The following NLGN4Y variants were observed in gnomAD, a reference collection of about 807,000 sequenced individuals.
NLGN4Y encodes neuroligin 4 Y-linked, also known as neuroligin-4, Y-linked.
A neutral mutation model predicts 8.4 loss-of-function variants in NLGN4Y; 4 were observed. That is an observed-to-expected ratio of 0.48 (90% CI 0.23 to 1.09). The LOEUF is 1.09. Ranked by LOEUF, NLGN4Y falls within the 50% of genes least tolerant of loss-of-function variation. The pLI is 0.19. For synonymous variants in NLGN4Y, 35 were observed against 75.6 expected (o/e 0.46, Z 2.78); for missense variants, 90 against 192.3 (o/e 0.47, Z 3.15).
At chrY:14,598,264 A>C in intron 1 of NLGN4Y, among the ~76,000 whole-genome samples, 1 of 34,248 alleles carries the variant, frequency 2.9e-5, no homozygotes, top group African/African-American at 1.1e-4. Flanking sequence ...CTCGTCGGGG[A>C]GGCTCGGGCC....
At chrY:14,647,279 G>A (rs2080613998) in intron 2 of NLGN4Y, among the ~76,000 whole-genome samples, 1 of 33,945 alleles carries the variant, frequency 2.9e-5, no homozygotes, top group Non-Finnish European at 7.3e-5. Context: ...ATCAAGACAT[G>A]GGATATTTAA....
intron 6 of NLGN4Y, among the ~76,000 whole-genome samples, chrY:14,832,455 A>AT (rs2043183062): frequency 8.9e-5 from 3 of 33,612 alleles, no homozygotes; most frequent in Non-Finnish European, 1.5e-4. Context: ...TCAAATTCAT[A>AT]TTTTTTTTCT....
At chrY:14,660,187 C>T in intron 2 of NLGN4Y, among the ~76,000 whole-genome samples, 2 of 33,210 alleles carry the variant, frequency 6.0e-5, no homozygotes, top group South Asian at 1.3e-3. Flanking sequence ...GCTGCAGGAA[C>T]ATCTGATCCA....
In NLGN4Y at chrY:14,666,160, C is replaced by T. The variant is rs894958637; in HGVS notation, c.472+43569C>T. Among the ~76,000 whole-genome samples the T allele has an allele frequency of 8.0e-4, 27 of 33,573 alleles. No homozygotes were observed. The East Asian group carries it at 0.013, about 16-fold the overall frequency. The allele number at this position is 33,573 out of a possible 37,273, so 90.1% of individuals were successfully genotyped here. A position where few individuals can be genotyped will look rare whatever the true frequency, so the allele number is the denominator to read the frequency against. The stretch of plus-strand genomic sequence containing the variant: ...GATCATAGCTCATTGCAGCCTCCAA[C>T]TCCTTGTGTCAAGCAATCCTCTTGC... On this transcript the variant is annotated intron_variant, in intron 2 of 6. Transcript: ENST00000684976.
intron 2 of NLGN4Y, among the ~76,000 whole-genome samples, chrY:14,716,171 C>T: frequency 3.0e-5 from 1 of 33,450 alleles, no homozygotes; most frequent in Non-Finnish European, 7.4e-5. Context: ...TCCTCATCCT[C>T]ATCTTCATAT....
At chrY:14,802,749 A>T (rs2043039676) in intron 4 of NLGN4Y, among the ~76,000 whole-genome samples, 2 of 23,705 alleles carry the variant, frequency 8.4e-5, no homozygotes, top group Non-Finnish European at 1.7e-4. Context: ...ATTATATATT[A>T]TACATTATAT....
intron 1 of NLGN4Y, among the ~76,000 whole-genome samples, chrY:14,592,328 C>T: frequency 3.0e-5 from 1 of 33,076 alleles, no homozygotes; most frequent in South Asian, 6.9e-4. Context: ...AGTATATTGT[C>T]CTATCACAAA....
At chrY:14,743,969 A>C in intron 4 of NLGN4Y, among the ~76,000 whole-genome samples, 1 of 33,247 alleles carries the variant, frequency 3.0e-5, no homozygotes, top group East Asian at 8.0e-4. Flanking sequence ...CTTTCCAGGG[A>C]ATCCTTTTAG....
intron 1 of NLGN4Y, among the ~76,000 whole-genome samples, chrY:14,571,443 T>G: frequency 1.5e-4 from 5 of 33,471 alleles, no homozygotes; most frequent in Non-Finnish European, 3.7e-4. Flanking sequence ...CTGATGGGGT[T>G]GTTTGTTTTC....
chrY:14,567,524 A>ATT (rs373187815), intron 1 of NLGN4Y, among the ~76,000 whole-genome samples: 2 of 21,654 alleles, frequency 9.2e-5, no homozygotes, highest in Non-Finnish European at 2.2e-4. Context: ...CCACGCCCAG[A>ATT]TTTTTTTTTT....
intron 2 of NLGN4Y, among the ~76,000 whole-genome samples, chrY:14,675,659 A>G (rs771819273): frequency 5.1e-3 from 165 of 32,517 alleles, no homozygotes; most frequent in Non-Finnish European, 7.9e-3. Flanking sequence ...TTTATTTCTC[A>G]TAGTTCCAGA....
chrY:14,598,494 C>T, intron 1 of NLGN4Y, among the ~76,000 whole-genome samples: 1 of 33,325 alleles, frequency 3.0e-5, no homozygotes, highest in Non-Finnish European at 7.5e-5. Context: ...GCTCCGAGTG[C>T]GGGGCCAGCC....
chrY:14,656,738 T>C, intron 2 of NLGN4Y, among the ~76,000 whole-genome samples: 1 of 26,899 alleles, frequency 3.7e-5, no homozygotes, highest in Non-Finnish European at 8.3e-5. Context: ...TTTTTTTTTT[T>C]GAAACAAGTG....
Position 14,548,224 on chromosome Y carries a change from G to A in NLGN4Y, c.-112+23516G>A, listed in dbSNP as rs894037542. ...GTGAGGCACGGTGGCCAAAGTAGGA[G>A]GATGACTTGAGTTCAGGAGTTGGAG... On this transcript the variant is annotated intron_variant, in intron 1 of 6. Coordinates refer to ENST00000684976, the MANE Select transcript of NLGN4Y (RefSeq NM_001365588.1). Among the ~76,000 whole-genome samples the A allele has an allele frequency of 1.2e-4, 4 of 32,681 alleles. No individual in the cohort carries two copies. In the East Asian group the frequency reaches 3.2e-3, roughly 26 times the overall value. 87.7% of individuals were successfully genotyped at this position (32,681 alleles called of 37,273 possible). A position where few individuals can be genotyped will look rare whatever the true frequency, so the allele number is the denominator to read the frequency against.
At chrY:14,554,199 A>ATT (rs1569355926) in intron 1 of NLGN4Y, among the ~76,000 whole-genome samples, 70 of 7,689 alleles carry the variant, frequency 9.1e-3, no homozygotes, top group African/African-American at 0.037. Flanking sequence ...TTTTTCCTCT[A>ATT]TTTTTTTTTT....
At chrY:14,608,088 T>C in intron 1 of NLGN4Y, among the ~76,000 whole-genome samples, 1 of 34,005 alleles carries the variant, frequency 2.9e-5, no homozygotes, top group Non-Finnish European at 7.3e-5. Flanking sequence ...TCTTGTAAAT[T>C]TGTTAAAGTT....
chrY:14,831,909 T>C, intron 6 of NLGN4Y, among the ~76,000 whole-genome samples: 1 of 33,504 alleles, frequency 3.0e-5, no homozygotes, highest in African/African-American at 1.2e-4. Flanking sequence ...AATATTCTAC[T>C]GAGTGGATTC....
At chrY:14,830,588 C>T in intron 6 of NLGN4Y, 69 bp downstream of exon 6, 1 of 319,389 alleles carries the variant, frequency 3.1e-6, no homozygotes, top group Non-Finnish European at 4.7e-6. Flanking sequence ...ATAAGTGTTG[C>T]TTCTACCGGC....
chrY:14,549,943 G>A, intron 1 of NLGN4Y, among the ~76,000 whole-genome samples: 1 of 33,653 alleles, frequency 3.0e-5, no homozygotes, highest in Admixed American at 2.7e-4. Flanking sequence ...CACCCCATCT[G>A]CTCCTAATGA....
Sources: allele counts gnomAD v4.1 joint callset (sites outside exome capture counted in the v4.1 genomes callset), GRCh38; gene constraint gnomAD v4.1.1; transcripts MANE v1.5; gene names NCBI Gene and HGNC (gene_info 2026-07-23, HGNC 2026-07-21).